The following PTPRD variants were observed in gnomAD, a reference collection of about 807,000 sequenced individuals.
PTPRD encodes receptor-type tyrosine-protein phosphatase delta.
A neutral mutation model predicts 214.5 loss-of-function variants in PTPRD; 34 were observed. The ratio of observed to expected loss-of-function variants is 0.16; its 90% CI spans 0.12 to 0.21. The LOEUF (loss-of-function observed/expected upper bound fraction) is 0.21. Ranked by LOEUF, PTPRD falls within the 10% of genes least tolerant of loss-of-function variation. The pLI, the probability that PTPRD is intolerant of heterozygous loss-of-function variation, is 1.00. For synonymous variants in PTPRD, 1,128 were observed against 845.7 expected (o/e 1.33, Z -5.79); for missense variants, 2,545 against 2,398.7 (o/e 1.06, Z -1.27).
chr9:9,420,256 G>A (rs1352741561), intron 8 of PTPRD, among the ~76,000 whole-genome samples: 2 of 151,808 alleles, frequency 1.3e-5, no homozygotes, highest in East Asian at 1.9e-4. Context: ...GATCTGAAGT[G>A]TAAACTATTT....
At chr9:10,550,524 C>T (rs979555252) in intron 2 of PTPRD, among the ~76,000 whole-genome samples, 2 of 152,110 alleles carry the variant, frequency 1.3e-5, no homozygotes, top group African/African-American at 4.8e-5. Flanking sequence ...TTTTTGGAGA[C>T]CCTCTGAGGA....
At chr9:9,346,704 CTTTTTTAGACAGAGTTTTGCTCT>C (rs1042183031) in intron 9 of PTPRD, among the ~76,000 whole-genome samples, 1 of 147,700 alleles carries the variant, frequency 6.8e-6, no homozygotes, top group African/African-American at 2.5e-5. Flanking sequence ...TTTTTTTTTT[CTTTTTTAGACAGAGTTTTGCTCT>C]TGTTGCCCAG....
chr9:8,569,087 C>T (rs537401223), intron 14 of PTPRD, among the ~76,000 whole-genome samples: 1 of 152,182 alleles, frequency 6.6e-6, no homozygotes, highest in South Asian at 2.1e-4. Flanking sequence ...CCAGAGGCTT[C>T]CTCTCCCAAA....
chr9:10,604,268 C>T (rs973150352), intron 2 of PTPRD, among the ~76,000 whole-genome samples: 7 of 151,820 alleles, frequency 4.6e-5, no homozygotes, highest in African/African-American at 1.7e-4. Flanking sequence ...CCTGAAATTC[C>T]TTTCTCTTAA....
At chr9:10,006,280 GC>G (rs2096474049) in intron 4 of PTPRD, among the ~76,000 whole-genome samples, 2 of 152,086 alleles carry the variant, frequency 1.3e-5, no homozygotes, top group South Asian at 4.1e-4. Flanking sequence ...TTTGATACAA[GC>G]CTTTGACAAT....
chr9:9,020,297 T>G (rs1193031404), intron 10 of PTPRD, among the ~76,000 whole-genome samples: 1 of 152,200 alleles, frequency 6.6e-6, no homozygotes, highest in African/African-American at 2.4e-5. Context: ...ATTCAATAAA[T>G]TAATGAGAGT....
At chr9:9,697,005 T>C (rs1289253884) in intron 7 of PTPRD, among the ~76,000 whole-genome samples, 2 of 152,072 alleles carry the variant, frequency 1.3e-5, no homozygotes, top group African/African-American at 4.8e-5. Flanking sequence ...AAAAATTTTA[T>C]TTTAAATAGA....
chr9:9,742,745 C>A (rs1048955582), intron 6 of PTPRD, among the ~76,000 whole-genome samples: 10 of 152,122 alleles, frequency 6.6e-5, no homozygotes, highest in Non-Finnish European at 1.3e-4. Flanking sequence ...TCCACTTAGA[C>A]ACACCTGTTA....
chr9:9,766,376 A>G (rs536666238), intron 6 of PTPRD, among the ~76,000 whole-genome samples: 15 of 152,148 alleles, frequency 9.9e-5, no homozygotes, highest in African/African-American at 3.6e-4. Context: ...CTCTTTTTAA[A>G]TTGGTTTTAA....
chr9:9,645,000 G>C (rs1054844433), intron 7 of PTPRD, among the ~76,000 whole-genome samples: 1 of 152,228 alleles, frequency 6.6e-6, no homozygotes, highest in Non-Finnish European at 1.5e-5. Flanking sequence ...GGGTGTAAAA[G>C]GCTGTCACCT....
At chr9:8,508,563 T>G (rs891804085) in intron 21 of PTPRD, among the ~76,000 whole-genome samples, 3 of 148,670 alleles carry the variant, frequency 2.0e-5, no homozygotes, top group African/African-American at 7.6e-5. Flanking sequence ...AAATAAGAAT[T>G]CCATTTATAT....
chr9:9,513,802 A>C (rs564784914), intron 8 of PTPRD, among the ~76,000 whole-genome samples: 1 of 152,156 alleles, frequency 6.6e-6, no homozygotes, highest in African/African-American at 2.4e-5. Flanking sequence ...AGTCATTGAA[A>C]GGGCAAAACT....
chr9:8,437,563 G>C (rs1272966849), intron 34 of PTPRD, among the ~76,000 whole-genome samples: 2 of 152,148 alleles, frequency 1.3e-5, no homozygotes, highest in Non-Finnish European at 2.9e-5. Context: ...GCAGATTGTA[G>C]AGGTTGGGGT....
chr9:10,426,071 T>C (rs999668504), intron 2 of PTPRD, among the ~76,000 whole-genome samples: 1 of 151,992 alleles, frequency 6.6e-6, no homozygotes, highest in Non-Finnish European at 1.5e-5. Context: ...CATTTCACTG[T>C]TTGCTTTTTT....
chr9:10,422,281 C>G (rs562671720), intron 2 of PTPRD, among the ~76,000 whole-genome samples: 155 of 152,042 alleles, frequency 1.0e-3, no homozygotes, highest in African/African-American at 3.6e-3. Context: ...AACTGGATCC[C>G]TTCTTGTAAC....
intron 3 of PTPRD, among the ~76,000 whole-genome samples, chr9:10,040,783 T>C (rs2097283406): frequency 6.6e-6 from 1 of 152,080 alleles, no homozygotes; most frequent in African/African-American, 2.4e-5. Context: ...TGAGCACTGA[T>C]AAACCTCACT....
intron 10 of PTPRD, among the ~76,000 whole-genome samples, chr9:9,124,773 G>C (rs958928327): frequency 1.3e-5 from 2 of 152,100 alleles, no homozygotes; most frequent in Non-Finnish European, 2.9e-5. Flanking sequence ...CTTTATGTTT[G>C]TACCAAAAAT....
chr9:8,497,189 A>C, intron 26 of PTPRD, 53 bp downstream of exon 26: 1 of 1,460,468 alleles, frequency 6.8e-7, no homozygotes, highest in Non-Finnish European at 9.3e-7. Context: ...AGGATGTCAG[A>C]GAAAACAAGC....
At chr9:8,853,769 A>C (rs2097861518) in intron 11 of PTPRD, among the ~76,000 whole-genome samples, 1 of 152,208 alleles carries the variant, frequency 6.6e-6, no homozygotes, top group Non-Finnish European at 1.5e-5. Flanking sequence ...CTGATAATAT[A>C]AAAAAGAATG....
Sources: allele counts gnomAD v4.1 joint callset (sites outside exome capture counted in the v4.1 genomes callset), GRCh38; gene constraint gnomAD v4.1.1; transcripts MANE v1.5; gene names NCBI Gene and HGNC (gene_info 2026-07-23, HGNC 2026-07-21).